The following GLS variants were observed in gnomAD, a reference collection of about 807,000 sequenced individuals.
GLS encodes glutaminase kidney isoform, mitochondrial.
Under a neutral mutation model 86.7 loss-of-function variants are expected in GLS, and 36 were observed. That is an observed-to-expected ratio of 0.42 (90% CI 0.32 to 0.55). GLS has a LOEUF of 0.55. GLS is among the 20% of genes least tolerant of loss of function. The pLI, the probability that GLS is intolerant of heterozygous loss-of-function variation, is 0.17. For synonymous variants in GLS, 317 were observed against 305.9 expected, an observed-to-expected ratio of 1.04 and a Z score of -0.38; for missense variants, 528 against 833.4, an observed-to-expected ratio of 0.63 and a Z score of 4.51.
At chr2:190,908,236 C>T (rs1324540863) in intron 6 of GLS, among the ~76,000 whole-genome samples, 9 of 151,958 alleles carry the variant, frequency 5.9e-5, no homozygotes, top group African/African-American at 7.3e-5. Flanking sequence ...AATATAATAC[C>T]GAAAATATAA....
At position 190,880,991 on chromosome 2, in the gene GLS, A is replaced by C; in HGVS notation, c.-94A>C. The C allele has an allele frequency of 7.3e-7, 1 of 1,371,594 alleles. No homozygotes were observed. The highest frequency in any genetic ancestry group is 9.9e-7 in the Non-Finnish European group (1 of 1,008,942). The allele number at this position is 1,371,594 out of a possible 1,614,324, so 85.0% of individuals were successfully genotyped here. ...CTGCCCTTTCCTCTTCTGTCATCTC[A>C]CCGCCCCACCACAGACCGCGTTCCC... On this transcript the variant is annotated 5_prime_UTR_variant, in exon 1 of 18. Coordinates refer to ENST00000320717, the MANE Select transcript of GLS (RefSeq NM_014905.5).
At chr2:190,911,726 T>C (rs1267244577) in intron 7 of GLS, among the ~76,000 whole-genome samples, 2 of 152,120 alleles carry the variant, frequency 1.3e-5, no homozygotes, top group African/African-American at 4.8e-5. Flanking sequence ...CATACTATAA[T>C]GTATGTGTTA....
chr2:190,881,529 G>A, intron 1 of GLS, 59 bp downstream of exon 1: 2 of 1,465,010 alleles, frequency 1.4e-6, no homozygotes, highest in Admixed American at 2.1e-5. Flanking sequence ...GGCTCAGGCT[G>A]TGTGGGGCCC....
chr2:190,921,174 T>C lies in GLS; in HGVS notation c.1101T>C (p.Gly367=). ...TGCAGTTTTTGAATAAGATGGCTGG[T>C]AATGAATATGTTGGATTCAGTAATG... is the stretch of plus-strand genomic sequence containing the variant. ...YVMQFLNKMA[G]NEYVGFSNAT... Residue 367 remains glycine (G), a synonymous_variant, in exon 9 of 18, where the codon GGT becomes GGC. Transcript: ENST00000320717. The surrounding 1 kb of genome is among the most constrained non-coding windows in gnomAD (Gnocchi z 4.2). The C allele has an allele frequency of 6.2e-7, 1 of 1,609,108 alleles. No homozygotes were observed. The highest frequency in any genetic ancestry group is 8.5e-7 in the Non-Finnish European group (1 of 1,175,820).
chr2:190,893,055 A>G (rs748023458), intron 1 of GLS, among the ~76,000 whole-genome samples: 2 of 152,212 alleles, frequency 1.3e-5, no homozygotes, highest in African/African-American at 4.8e-5. Context: ...TAAAGTGACA[A>G]ACTACCACTA....
chr2:190,918,832 G>GTC (rs1333144757), intron 7 of GLS, among the ~76,000 whole-genome samples: 1 of 152,070 alleles, frequency 6.6e-6, no homozygotes, highest in African/African-American at 2.4e-5. Flanking sequence ...ATATTGTTGT[G>GTC]TCTCAGGGAA....
chr2:190,965,034 A>ATG lies in GLS; in HGVS notation c.*2051_*2052dup, dbSNP rs1428913767. The ATG allele has an allele frequency of 2.6e-5, 4 of 152,130 alleles. No individual in the cohort carries two copies. The highest frequency in any genetic ancestry group is 2.6e-4 in the Admixed American group (4 of 15,264). The allele number at this position is 152,130 out of a possible 1,614,324, so 9.4% of individuals were successfully genotyped here. ...TTTACCCCTGATGTTATTTATGACT[A>ATG]TGTGCCGATTCCTGCTCGGGCTGTT... On this transcript the variant is annotated 3_prime_UTR_variant, in exon 18 of 18. Transcript: ENST00000320717. This position sits in a 1 kb window ranked among gnomAD's most constrained non-coding sequence, Gnocchi z 5.0.
chr2:190,932,976 TGCTGGAGCCATAAA>T (rs1690156887), intron 14 of GLS: 1 of 1,241,014 alleles, frequency 8.1e-7, no homozygotes, highest in Non-Finnish European at 1.0e-6. Context: ...CAATCTTGGG[TGCTGGAGCCATAAA>T]GCTTTTTTTT....
intron 1 of GLS, among the ~76,000 whole-genome samples, chr2:190,882,793 C>G (rs1277552495): frequency 6.6e-6 from 1 of 152,162 alleles, no homozygotes; most frequent in Non-Finnish European, 1.5e-5. Flanking sequence ...TATTTAATAT[C>G]TTGGGTTAGA....
rs1351819249 is a variant in GLS, at chr2:190,949,911, AAAC to A, written c.1651-3651_1651-3649del. 2.0e-5 allele frequency among the ~76,000 whole-genome samples: 3 copies of A among 151,052 alleles called. No homozygotes were observed. Among genetic ancestry groups the A allele is most frequent in the East Asian group, 1.9e-4 (1 of 5,184 alleles). On this transcript the variant is annotated intron_variant, in intron 14 of 17. Transcript: ENST00000320717. This position sits in a 1 kb window ranked among gnomAD's most constrained non-coding sequence, Gnocchi z 4.0. The stretch of plus-strand genomic sequence containing the variant: ...GCCTATATTTAATGAGAGAGACAAA[AAAC>A]AAGTATATATAAAAATATATATACT...
In GLS at chr2:190,895,247, C is replaced by T. The variant is rs771558774; in HGVS notation, c.482C>T (p.Thr161Ile). 2 of 1,207,192 alleles carry T rather than the reference C, an allele frequency of 1.7e-6. No individual in the cohort carries two copies. The highest frequency in any genetic ancestry group is 2.6e-5 in the South Asian group (2 of 76,864). 74.8% of individuals were successfully genotyped at this position (1,207,192 alleles called of 1,614,324 possible). ...QEKIPVHKFI[T>I]ALKSTGLRTS... The stretch of plus-strand genomic sequence containing the variant: ...AAAATACCTGTTCATAAATTTATTA[C>T]AGTAAGTTTTTATATTTTTCTATCT... The change falls in exon 2 of 18, where the codon ACA becomes ATA. Residue 161 changes from threonine (T) to isoleucine (I), a missense_variant and splice_region_variant. This residue lies in a region of GLS where 111 missense variants were observed against 179.5 expected (regional missense o/e 0.62). Transcript: ENST00000320717. The surrounding 1 kb of genome is among the most constrained non-coding windows in gnomAD (Gnocchi z 4.2).
intron 1 of GLS, among the ~76,000 whole-genome samples, chr2:190,889,985 A>G (rs975766734): frequency 9.9e-5 from 15 of 152,204 alleles, no homozygotes; most frequent in Non-Finnish European, 1.9e-4. Context: ...AGAATTACAG[A>G]TATTATTCCT....
chr2:190,883,980 G>C (rs890546099), intron 1 of GLS, among the ~76,000 whole-genome samples: 1 of 152,104 alleles, frequency 6.6e-6, no homozygotes, highest in Non-Finnish European at 1.5e-5. Context: ...CGCAACTTTA[G>C]TGTGGTTTAG....
Position 190,956,507 on chromosome 2 carries a change from T to C in GLS, c.1853+1689T>C, listed in dbSNP as rs1285325341. Among the ~76,000 whole-genome samples the C allele has an allele frequency of 6.6e-6, 1 of 152,226 alleles. No individual in the cohort carries two copies. Among genetic ancestry groups the C allele is most frequent in the Non-Finnish European group, 1.5e-5 (1 of 68,040 alleles). On this transcript the variant is annotated intron_variant, in intron 17 of 17. Transcript: ENST00000320717. The surrounding 1 kb of genome is among the most constrained non-coding windows in gnomAD (Gnocchi z 4.2). The stretch of plus-strand genomic sequence containing the variant: ...CCATACTGTTTTGATTACTGTAGCC[T>C]TGTAGTATAGTTTGAAGTCAGGTAG...
In GLS at chr2:190,954,679, C is replaced by T; in HGVS notation, c.1789+19C>T. 6.2e-7 allele frequency: 1 copy of T among 1,606,608 alleles called. No homozygotes were observed. The highest frequency in any genetic ancestry group is 8.5e-7 in the Non-Finnish European group (1 of 1,173,222). ...GCAGAGGGTAATACAGGAACTACTCCTATCTATTTTCTTTCCAGATTTAAT... is the reference window on the plus strand; with the variant it reads ...GCAGAGGGTAATACAGGAACTACTCTTATCTATTTTCTTTCCAGATTTAAT... On this transcript the variant is annotated intron_variant, in intron 16 of 17. Coordinates refer to ENST00000320717, the MANE Select transcript of GLS (RefSeq NM_014905.5). This position sits in a 1 kb window ranked among gnomAD's most constrained non-coding sequence, Gnocchi z 4.0.
rs541296156 is a variant in GLS at position 190,958,623 on chromosome 2, T to C, written c.1853+3805T>C. Reference sequence around the variant, plus strand: ...CAGAGATTCTGGTACGTTTTGTCTTTTGTCTTATTAGTTTCAAAGAACTTA... The same window carrying C: ...CAGAGATTCTGGTACGTTTTGTCTTCTGTCTTATTAGTTTCAAAGAACTTA... On this transcript the variant is annotated intron_variant, in intron 17 of 17. Coordinates refer to ENST00000320717, the MANE Select transcript of GLS (RefSeq NM_014905.5). Among the ~76,000 whole-genome samples, 252 of 152,340 alleles carry C rather than the reference T, an allele frequency of 1.7e-3. 1 individual carries two copies. The highest frequency in any genetic ancestry group is 6.0e-3 in the African/African-American group (250 of 41,576).
At chr2:190,957,733 A>G (rs973255168) in intron 17 of GLS, among the ~76,000 whole-genome samples, 8 of 152,248 alleles carry the variant, frequency 5.3e-5, no homozygotes, top group African/African-American at 1.7e-4. Context: ...ATGTTGAACC[A>G]GCCTTGCATC....
In GLS at chr2:190,920,670, GTTTT is replaced by G. The variant is rs1166917946; in HGVS notation, c.1039-350_1039-347del. Reference sequence around the variant, plus strand: ...TTCGAAGGGTGAAACTTTATTTTAAGTTTTTTTAAATATAAGATTAAATAAATAA... The same window carrying G: ...TTCGAAGGGTGAAACTTTATTTTAAGTTTAAATATAAGATTAAATAAATAA... On this transcript the variant is annotated intron_variant, in intron 7 of 17. Coordinates refer to ENST00000320717, the MANE Select transcript of GLS (RefSeq NM_014905.5). This position sits in a 1 kb window ranked among gnomAD's most constrained non-coding sequence, Gnocchi z 4.2. Among the ~76,000 whole-genome samples the G allele has an allele frequency of 1.3e-5, 2 of 151,242 alleles. No homozygotes were observed. Among genetic ancestry groups the G allele is most frequent in the African/African-American group, 4.8e-5 (2 of 41,284 alleles).
In GLS at chr2:190,955,371, A is replaced by T. The variant is rs1690837412; in HGVS notation, c.1853+553A>T. 6.6e-6 allele frequency among the ~76,000 whole-genome samples: 1 copy of T among 152,094 alleles called. No homozygotes were observed. The highest frequency in any genetic ancestry group is 1.5e-5 in the Non-Finnish European group (1 of 67,954). The stretch of plus-strand genomic sequence containing the variant: ...TCCACTCCCACTTACGAGGGAGAAC[A>T]TGAAGTGTTTGGTTTTCTGTTCTTG... On this transcript the variant is annotated intron_variant, in intron 17 of 17. Transcript: ENST00000320717. This position sits in a 1 kb window ranked among gnomAD's most constrained non-coding sequence, Gnocchi z 5.6.
Sources: gnomAD v4.1 joint callset for allele counts (sites outside exome capture counted in the v4.1 genomes callset) on GRCh38, gnomAD v4.1.1 for gene constraint, gnomAD v4.1.1 regional missense constraint, Gnocchi (gnomAD v3.1) non-coding constraint, MANE v1.5 for transcripts, NCBI Gene and HGNC (gene_info 2026-07-23, HGNC 2026-07-21) for gene names.